AKR1D1: variants seen among roughly 807,000 people sequenced by gnomAD.
AKR1D1 encodes aldo-keto reductase family 1 member D1.
Under a neutral mutation model 42.6 loss-of-function variants are expected in AKR1D1, and 32 were observed. The observed-to-expected ratio is 0.75, with a 90% CI of 0.57 to 1.01. The LOEUF (loss-of-function observed/expected upper bound fraction) is 1.01. AKR1D1 is among the 50% of genes least tolerant of loss of function. AKR1D1 has a pLI of 0.00. For missense variants in AKR1D1, 364 were observed against 402.2 expected (o/e 0.91, Z 0.81); for synonymous variants, 123 against 135.5 (o/e 0.91, Z 0.64).
At chr7:138,080,240 T>A (rs1020212121) in intron 1 of AKR1D1, among the ~76,000 whole-genome samples, 2 of 152,180 alleles carry the variant, frequency 1.3e-5, no homozygotes, top group Non-Finnish European at 2.9e-5. Flanking sequence ...ATCCATTTTT[T>A]AAAATTCTTA....
chr7:138,112,246 G>A (rs1794550165), intron 7 of AKR1D1, among the ~76,000 whole-genome samples: 1 of 152,062 alleles, frequency 6.6e-6, no homozygotes, highest in Non-Finnish European at 1.5e-5. Context: ...GTCTGAGTAA[G>A]GATTCATTTT....
At chr7:138,097,578 A>G (rs1794207432) in intron 3 of AKR1D1, among the ~76,000 whole-genome samples, 3 of 152,250 alleles carry the variant, frequency 2.0e-5, no homozygotes, top group Admixed American at 2.0e-4. Flanking sequence ...CTAATTGAGT[A>G]GATACACAAG....
At chr7:138,087,241 G>A (rs1182951977) in intron 1 of AKR1D1, among the ~76,000 whole-genome samples, 1 of 152,146 alleles carries the variant, frequency 6.6e-6, no homozygotes, top group African/African-American at 2.4e-5. Context: ...AGAAGAGGGA[G>A]CACCCACTCT....
At chr7:138,083,979 GACA>G (rs1803110241) in intron 1 of AKR1D1, among the ~76,000 whole-genome samples, 1 of 152,068 alleles carries the variant, frequency 6.6e-6, no homozygotes, top group African/African-American at 2.4e-5. Flanking sequence ...TTTTCTTTCA[GACA>G]ACATTTGTGT....
At chr7:138,100,947 A>G (rs1014131330) in intron 4 of AKR1D1, among the ~76,000 whole-genome samples, 3 of 151,470 alleles carry the variant, frequency 2.0e-5, no homozygotes, top group Admixed American at 6.6e-5. Context: ...CTTGTGATCC[A>G]CCCTCCTCCG....
chr7:138,112,373 T>G (rs1273193116), intron 7 of AKR1D1, among the ~76,000 whole-genome samples: 1 of 152,184 alleles, frequency 6.6e-6, no homozygotes, highest in Non-Finnish European at 1.5e-5. Flanking sequence ...AAAGAGTACT[T>G]GGAAAGAATC....
At chr7:138,078,655 G>A (rs562449838) in intron 1 of AKR1D1, among the ~76,000 whole-genome samples, 55 of 152,306 alleles carry the variant, frequency 3.6e-4, no homozygotes, top group Non-Finnish European at 4.6e-4. Flanking sequence ...TCTCCCCCAT[G>A]TAAGTCCCTT....
In AKR1D1 at chr7:138,105,435, G is replaced by A. The variant is rs200096959; in HGVS notation, c.579+6G>A. 6.2e-7 allele frequency: 1 copy of A among 1,613,704 alleles called. No homozygotes were observed. The highest frequency in any genetic ancestry group is 1.3e-5 in the African/African-American group (1 of 74,908). On this transcript the variant is annotated splice_donor_region_variant and intron_variant, in intron 5 of 8. Transcript: ENST00000242375. The stretch of plus-strand genomic sequence containing the variant: ...ACAAGCCAGTCAGCAACCAGGTACA[G>A]CCTAATAGCTTCCACTAGGGTGTGG...
chr7:138,100,961 C>A (rs1794296373), intron 4 of AKR1D1, among the ~76,000 whole-genome samples: 1 of 151,954 alleles, frequency 6.6e-6, no homozygotes, highest in Non-Finnish European at 1.5e-5. Flanking sequence ...TCCTCCGCCT[C>A]TCAAAGTGCT....
intron 1 of AKR1D1, among the ~76,000 whole-genome samples, chr7:138,083,506 GT>G (rs1440331658): frequency 5.9e-5 from 9 of 152,036 alleles, no homozygotes; most frequent in African/African-American, 2.2e-4. Context: ...GAGATATACG[GT>G]TTGCAAATAT....
intron 1 of AKR1D1, 85 bp from the exon 2 acceptor site, chr7:138,088,516 T>C: frequency 1.4e-6 from 2 of 1,437,030 alleles, no homozygotes; most frequent in Non-Finnish European, 2.0e-6. Flanking sequence ...TGTAAAGGAA[T>C]GTACATGCAA....
chr7:138,098,026 A>G (rs187893638), intron 4 of AKR1D1, 83 bp downstream of exon 4: 5 of 1,049,300 alleles, frequency 4.8e-6, no homozygotes, highest in Admixed American at 3.4e-5. Flanking sequence ...TTATGGAGAG[A>G]GATGCACCCT....
At chr7:138,076,989 T>C (rs1215937281) in intron 1 of AKR1D1, among the ~76,000 whole-genome samples, 1 of 152,180 alleles carries the variant, frequency 6.6e-6, no homozygotes, top group Non-Finnish European at 1.5e-5. Flanking sequence ...ATACTTGCCA[T>C]GCACTAAGCA....
intron 7 of AKR1D1, among the ~76,000 whole-genome samples, chr7:138,111,906 G>A (rs1303789006): frequency 1.3e-5 from 2 of 151,890 alleles, no homozygotes; most frequent in African/African-American, 4.8e-5. Flanking sequence ...CAAAAGTTTT[G>A]CAGAATGTTC....
rs192058015 is a variant in AKR1D1, at chr7:138,089,114, G to A, written c.261+346G>A. ...CCTCTAATCCGCACTTCGGGAGGCC[G>A]AGGCAGGTGTTTTGCTTGAGCTCAG... is the stretch of plus-strand genomic sequence containing the variant. On this transcript the variant is annotated intron_variant, in intron 2 of 8. Coordinates refer to ENST00000242375, the MANE Select transcript of AKR1D1 (RefSeq NM_005989.4). Among the ~76,000 whole-genome samples the A allele has an allele frequency of 4.6e-5, 7 of 152,198 alleles. No homozygotes were observed. The East Asian group carries it at 9.7e-4, about 21-fold the overall frequency.
chr7:138,091,064 C>T (rs1174659719), intron 2 of AKR1D1, among the ~76,000 whole-genome samples: 1 of 152,144 alleles, frequency 6.6e-6, no homozygotes, highest in Admixed American at 6.5e-5. Flanking sequence ...TAGGTCAGGA[C>T]ATCTAGAACA....
At chr7:138,082,949 T>C (rs1388405215) in intron 1 of AKR1D1, among the ~76,000 whole-genome samples, 1 of 152,230 alleles carries the variant, frequency 6.6e-6, no homozygotes, top group Non-Finnish European at 1.5e-5. Flanking sequence ...CTATTGTGAA[T>C]AATGCTACAG....
chr7:138,078,543 T>C (rs1802988258), intron 1 of AKR1D1, among the ~76,000 whole-genome samples: 1 of 152,232 alleles, frequency 6.6e-6, no homozygotes, highest in Non-Finnish European at 1.5e-5. Flanking sequence ...CCCTTTCTCT[T>C]CTTTCTTTGC....
intron 4 of AKR1D1, 26 bp downstream of exon 4, chr7:138,097,969 T>TA (rs1794217084): frequency 6.6e-7 from 1 of 1,518,054 alleles, no homozygotes; most frequent in Non-Finnish European, 9.1e-7. Context: ...CTTCTTATTT[T>TA]AAAAGACGAT....
Sources: gnomAD v4.1 joint callset for allele counts (sites outside exome capture counted in the v4.1 genomes callset) on GRCh38, gnomAD v4.1.1 for gene constraint, MANE v1.5 for transcripts, NCBI Gene and HGNC (gene_info 2026-07-23, HGNC 2026-07-21) for gene names.